The following XRN2 variants were observed in gnomAD, a reference collection of about 807,000 sequenced individuals.
XRN2 encodes 5'-3' exoribonuclease 2, also known as DHM1-like protein.
A neutral mutation model predicts 138.5 loss-of-function variants in XRN2; 44 were observed. The observed-to-expected ratio is 0.32, with a 90% CI of 0.25 to 0.41. The LOEUF (loss-of-function observed/expected upper bound fraction) is 0.41, where lower values mean the gene tolerates loss of function less well. Ranked by LOEUF, XRN2 falls within the 10% of genes least tolerant of loss-of-function variation. XRN2 has a pLI of 1.00. For missense variants in XRN2, 937 were observed against 1,169.3 expected, an observed-to-expected ratio of 0.80 and a Z score of 2.90; for synonymous variants, 354 against 369.4, an observed-to-expected ratio of 0.96 and a Z score of 0.48.
intron 1 of XRN2, chr20:21,303,752 C>A: frequency 5.0e-6 from 6 of 1,194,506 alleles, no homozygotes; most frequent in Non-Finnish European, 6.2e-6. Flanking sequence ...TTTCCCGGCA[C>A]CGGAAGGCCC....
chr20:21,355,237 C>A (rs1005054205), intron 21 of XRN2, among the ~76,000 whole-genome samples: 1 of 152,074 alleles, frequency 6.6e-6, no homozygotes, highest in South Asian at 2.1e-4. Context: ...CTCCTTTCTC[C>A]CCAGTAATAA....
chr20:21,363,243 G>A (rs1456148597), intron 24 of XRN2, among the ~76,000 whole-genome samples: 7 of 151,984 alleles, frequency 4.6e-5, no homozygotes, highest in Admixed American at 4.6e-4. Context: ...CTTATTAGAA[G>A]GGGAGGCAGG....
At chr20:21,355,623 C>T (rs1437644642) in intron 21 of XRN2, among the ~76,000 whole-genome samples, 2 of 151,830 alleles carry the variant, frequency 1.3e-5, no homozygotes. Context: ...AACTATTGAT[C>T]TTTTTGAAAC....
At chr20:21,388,836 C>T (rs143897712) in intron 29 of XRN2, among the ~76,000 whole-genome samples, 179 of 152,342 alleles carry the variant, frequency 1.2e-3, no homozygotes, top group African/African-American at 4.0e-3. Context: ...ATCAATTGCT[C>T]ATTTGGCCTT....
Position 21,348,352 on chromosome 20 carries a change from A to G in XRN2, c.1785A>G (p.Leu595=), listed in dbSNP as rs761104444. 3.2e-5 allele frequency: 52 copies of G among 1,614,028 alleles called. No homozygotes were observed. Among genetic ancestry groups the G allele is most frequent in the Non-Finnish European group, 4.3e-5 (51 of 1,180,018 alleles). ...FEKGTKPFKP[L]EQLMGVFPAA... is the part of the protein sequence containing the mutation. ...TTTTCTTTTTTCAGTTTAAACCACT[A>G]GAACAACTTATGGGGGTATTTCCAG... Residue 595 remains leucine (L), a synonymous_variant, in exon 19 of 30, where the codon CTA becomes CTG. Coordinates refer to ENST00000377191, the MANE Select transcript of XRN2 (RefSeq NM_012255.5).
intron 10 of XRN2, 40 bp downstream of exon 10, chr20:21,333,658 G>C: frequency 6.2e-7 from 1 of 1,613,958 alleles, no homozygotes; most frequent in Non-Finnish European, 8.5e-7. Flanking sequence ...CTCTAAAGCA[G>C]GGTGCCTTTG....
intron 23 of XRN2, among the ~76,000 whole-genome samples, chr20:21,357,098 A>G (rs912010567): frequency 9.9e-5 from 15 of 151,346 alleles, no homozygotes; most frequent in Non-Finnish European, 1.8e-4. Context: ...TTGTAAAAAA[A>G]TAGCTTTTTA....
At chr20:21,371,446 CAG>C (rs1458602443) in intron 27 of XRN2, among the ~76,000 whole-genome samples, 1 of 152,198 alleles carries the variant, frequency 6.6e-6, no homozygotes, top group African/African-American at 2.4e-5. Flanking sequence ...CACAGAGGTA[CAG>C]AGTCAGTGGT....
At chr20:21,354,182 C>G (rs1392076366) in intron 20 of XRN2, among the ~76,000 whole-genome samples, 1 of 152,128 alleles carries the variant, frequency 6.6e-6, no homozygotes, top group Non-Finnish European at 1.5e-5. Flanking sequence ...CATTTTAAGT[C>G]TCAAATGAAT....
At chr20:21,334,914 C>T (rs2038264456) in intron 13 of XRN2, among the ~76,000 whole-genome samples, 1 of 151,602 alleles carries the variant, frequency 6.6e-6, no homozygotes, top group Non-Finnish European at 1.5e-5. Flanking sequence ...GTATAAAGCT[C>T]AGGGCAGAAG....
chr20:21,368,826 T>C (rs1468650177), intron 27 of XRN2, among the ~76,000 whole-genome samples: 1 of 152,162 alleles, frequency 6.6e-6, no homozygotes, highest in Non-Finnish European at 1.5e-5. Flanking sequence ...ACATGAGATA[T>C]TTTGACACAG....
intron 1 of XRN2, among the ~76,000 whole-genome samples, chr20:21,317,771 C>T (rs2037980487): frequency 6.6e-6 from 1 of 152,120 alleles, no homozygotes; most frequent in Non-Finnish European, 1.5e-5. Flanking sequence ...ACGCAACTGT[C>T]CATTTTTTTC....
chr20:21,326,454 A>T (rs759752650), intron 2 of XRN2, 36 bp from the exon 3 acceptor site: 2 of 1,613,736 alleles, frequency 1.2e-6, no homozygotes, highest in Non-Finnish European at 1.7e-6. Flanking sequence ...CAGAGGAAAC[A>T]TTATATTATA....
Position 21,333,952 on chromosome 20 carries a change from C to T in XRN2, c.1083C>T (p.Asp361=). The T allele has an allele frequency of 6.2e-7, 1 of 1,614,092 alleles. No individual in the cohort carries two copies. Among genetic ancestry groups the T allele is most frequent in the Non-Finnish European group, 8.5e-7 (1 of 1,179,996 alleles). ...TTGCTGACAGGGAAAATGCAATTGA[C>T]CGTTTGGTTAACATATACAAAAATG... ...PSLEIRENAI[D]RLVNIYKNVV... Residue 361 remains aspartate (D), a synonymous_variant, in exon 12 of 30, where the codon GAC becomes GAT. Transcript: ENST00000377191.
chr20:21,380,484 T>C (rs887028771), intron 27 of XRN2, among the ~76,000 whole-genome samples: 5 of 152,200 alleles, frequency 3.3e-5, no homozygotes, highest in African/African-American at 1.2e-4. Context: ...GAAAATTGAT[T>C]TTCTGATAGT....
At chr20:21,303,720 G>A in intron 1 of XRN2, 16 of 1,244,020 alleles carry the variant, frequency 1.3e-5, no homozygotes, top group Non-Finnish European at 1.6e-5. Flanking sequence ...TCGCAGGAGG[G>A]TCGCTCCTCC....
At chr20:21,348,943 G>A (rs768033908) in intron 19 of XRN2, among the ~76,000 whole-genome samples, 1 of 151,656 alleles carries the variant, frequency 6.6e-6, no homozygotes, top group Non-Finnish European at 1.5e-5. Context: ...GTGCCTGGCC[G>A]GGGAAAAATT....
chr20:21,346,643 G>A (rs947213695), intron 17 of XRN2, 93 bp downstream of exon 17: 69 of 1,488,764 alleles, frequency 4.6e-5, no homozygotes, highest in East Asian at 4.7e-5. Flanking sequence ...TTTTTGAGAC[G>A]GAGTCTTGCC....
At chr20:21,355,937 C>G in intron 21 of XRN2, 143 bp from the exon 22 acceptor site, 1 of 503,056 alleles carries the variant, frequency 2.0e-6, no homozygotes, top group Non-Finnish European at 3.5e-6. Flanking sequence ...CTTGTCTAAC[C>G]TATCACTTTA....
Sources: gnomAD v4.1 joint callset for allele counts (sites outside exome capture counted in the v4.1 genomes callset) on GRCh38, gnomAD v4.1.1 for gene constraint, MANE v1.5 for transcripts, NCBI Gene and HGNC (gene_info 2026-07-23, HGNC 2026-07-21) for gene names.